The following GSG1L variants were observed in gnomAD, a reference collection of about 807,000 sequenced individuals.
GSG1L encodes GSG1 like, also known as germ cell-specific gene 1-like protein.
Under a neutral mutation model 42.1 loss-of-function variants are expected in GSG1L, and 24 were observed. That is an observed-to-expected ratio of 0.57 (90% CI 0.41 to 0.80). The LOEUF (loss-of-function observed/expected upper bound fraction) is 0.80, where lower values mean the gene tolerates loss of function less well. GSG1L is among the 30% of genes least tolerant of loss of function. The pLI is 0.00. For missense variants in GSG1L, 445 were observed against 472.2 expected (o/e 0.94, Z 0.53); for synonymous variants, 215 against 203.5 (o/e 1.06, Z -0.48).
At chr16:27,826,785 G>A (rs1357407815) in intron 5 of GSG1L, among the ~76,000 whole-genome samples, 5 of 152,178 alleles carry the variant, frequency 3.3e-5, no homozygotes, top group African/African-American at 1.2e-4. Context: ...AGCAGATTCT[G>A]GGGTCAAAGA....
chr16:27,930,105 C>T (rs1361043485), intron 2 of GSG1L, among the ~76,000 whole-genome samples: 1 of 151,958 alleles, frequency 6.6e-6, no homozygotes, highest in Non-Finnish European at 1.5e-5. Context: ...TGAAGGGCCT[C>T]CTCAAATTTT....
intron 1 of GSG1L, among the ~76,000 whole-genome samples, chr16:28,002,738 G>A (rs1006008049): frequency 6.6e-5 from 10 of 151,600 alleles, no homozygotes; most frequent in Non-Finnish European, 1.3e-4. Context: ...AGACCATCCT[G>A]GCTAACACGG....
intron 3 of GSG1L, among the ~76,000 whole-genome samples, chr16:27,854,231 G>A (rs1342890070): frequency 6.8e-6 from 1 of 148,028 alleles, no homozygotes; most frequent in Non-Finnish European, 1.5e-5. Flanking sequence ...GAAAGGCTGG[G>A]GAATGGGGAG....
intron 4 of GSG1L, among the ~76,000 whole-genome samples, chr16:27,843,850 G>T (rs1187870027): frequency 1.3e-5 from 2 of 152,188 alleles, no homozygotes; most frequent in East Asian, 1.9e-4. Flanking sequence ...TAAGGAGAGA[G>T]AATATGACCT....
intron 1 of GSG1L, among the ~76,000 whole-genome samples, chr16:28,020,947 C>A (rs1306263264): frequency 1.3e-5 from 2 of 152,122 alleles, no homozygotes; most frequent in Admixed American, 1.3e-4. Flanking sequence ...CTGAGAGACC[C>A]CCAACCCAGA....
At chr16:27,979,815 AAAG>A (rs1425324197) in intron 1 of GSG1L, among the ~76,000 whole-genome samples, 17 of 113,448 alleles carry the variant, frequency 1.5e-4, no homozygotes, top group East Asian at 8.1e-4. Flanking sequence ...GAAAGAAAGA[AAAG>A]AAAGAAAGAG....
chr16:27,833,577 A>G (rs1321880514), intron 4 of GSG1L, among the ~76,000 whole-genome samples: 1 of 152,186 alleles, frequency 6.6e-6, no homozygotes, highest in Non-Finnish European at 1.5e-5. Flanking sequence ...CCATGAACAT[A>G]GTATATCTAC....
At chr16:27,873,547 A>G (rs957367984) in intron 3 of GSG1L, among the ~76,000 whole-genome samples, 1 of 152,192 alleles carries the variant, frequency 6.6e-6, no homozygotes, top group African/African-American at 2.4e-5. Context: ...CAAAGATCAA[A>G]CCCCGCCCCC....
intron 3 of GSG1L, among the ~76,000 whole-genome samples, chr16:27,869,651 GT>G (rs1567496142): frequency 1.3e-4 from 9 of 69,396 alleles, no homozygotes; most frequent in East Asian, 1.1e-3. Context: ...TCTCCTCTCT[GT>G]CTTCCTCCAT....
intron 2 of GSG1L, among the ~76,000 whole-genome samples, chr16:27,946,571 AAGAAAGAAAGAGAGAGAG>A (rs1567529686): frequency 2.2e-3 from 85 of 37,912 alleles, no homozygotes; most frequent in Non-Finnish European, 2.5e-3. Flanking sequence ...GAAAGAAAGA[AAGAAAGAAAGAGAGAGAG>A]AGAGAGAGAG....
chr16:27,975,892 G>A (rs1314025203), intron 1 of GSG1L, among the ~76,000 whole-genome samples: 2 of 152,122 alleles, frequency 1.3e-5, no homozygotes, highest in Non-Finnish European at 2.9e-5. Context: ...CTGCCCTCAC[G>A]GAACTTCCAT....
In GSG1L at chr16:27,864,099, C is replaced by T. The variant is rs529761683; in HGVS notation, c.551-19038G>A. ...AATCCATCAGCTCCCAGCTTACATC[C>T]TCTCCTCATTTAAAAGGGCATTTCT... On this transcript the variant is annotated intron_variant, in intron 3 of 6. Coordinates refer to ENST00000447459, the MANE Select transcript of GSG1L (RefSeq NM_001109763.2). 1.2e-3 allele frequency among the ~76,000 whole-genome samples: 188 copies of T among 152,332 alleles called. 1 individual carries two copies. The highest frequency in any genetic ancestry group is 2.2e-3 in the Non-Finnish European group (151 of 68,040).
chr16:27,910,979 C>G (rs912987573), intron 2 of GSG1L, among the ~76,000 whole-genome samples: 5 of 152,132 alleles, frequency 3.3e-5, no homozygotes, highest in African/African-American at 1.2e-4. Flanking sequence ...CATCACTGCA[C>G]TCCAGCCTGG....
chr16:27,902,510 C>T (rs1488577348), intron 2 of GSG1L, among the ~76,000 whole-genome samples: 1 of 151,556 alleles, frequency 6.6e-6, no homozygotes, highest in African/African-American at 2.4e-5. Context: ...GCAGACCCCG[C>T]GGGTGCCGAT....
At chr16:27,860,199 C>A (rs960571711) in intron 3 of GSG1L, among the ~76,000 whole-genome samples, 1 of 152,210 alleles carries the variant, frequency 6.6e-6, no homozygotes, top group Non-Finnish European at 1.5e-5. Flanking sequence ...ACCTGGGCTG[C>A]GGTTACCCCA....
chr16:28,006,634 G>A (rs1350354503), intron 1 of GSG1L, among the ~76,000 whole-genome samples: 1 of 152,148 alleles, frequency 6.6e-6, no homozygotes, highest in African/African-American at 2.4e-5. Context: ...TTAGGTGGGT[G>A]AGACTGTCCT....
chr16:27,863,290 T>C (rs1352408597), intron 3 of GSG1L: 1 of 152,234 alleles, frequency 6.6e-6, no homozygotes, highest in African/African-American at 2.4e-5. Context: ...ATTGGGATGA[T>C]AAGGGAAGAT....
chr16:27,815,229 G>T (rs1057439635), intron 5 of GSG1L, among the ~76,000 whole-genome samples: 3 of 152,142 alleles, frequency 2.0e-5, no homozygotes, highest in Non-Finnish European at 2.9e-5. Flanking sequence ...GAGGTATTTT[G>T]GTCCCTCATG....
intron 1 of GSG1L, among the ~76,000 whole-genome samples, chr16:27,986,484 C>T (rs570166008): frequency 2.9e-5 from 4 of 136,524 alleles, no homozygotes; most frequent in South Asian, 2.5e-4. Flanking sequence ...CCAGCCTGAG[C>T]GACCGAGCGA....
Sources: allele counts gnomAD v4.1 joint callset (sites outside exome capture counted in the v4.1 genomes callset), GRCh38; gene constraint gnomAD v4.1.1; transcripts MANE v1.5; gene names NCBI Gene and HGNC (gene_info 2026-07-23, HGNC 2026-07-21).